Variants in LCOR observed in about 807,000 individuals in gnomAD.
LCOR encodes the protein ligand-dependent corepressor.
Under a neutral mutation model 64.4 loss-of-function variants are expected in LCOR, and 14 were observed. The observed-to-expected ratio is 0.22, with a 90% CI of 0.14 to 0.34. The LOEUF (loss-of-function observed/expected upper bound fraction) is 0.34. Among genes scored for constraint, LCOR ranks in the 10% least tolerant of loss-of-function variants. The probability of loss-of-function intolerance (pLI) is 1.00; values close to 1 mark genes in which losing one functional copy is unlikely to be tolerated. For synonymous variants in LCOR, 643 were observed against 642.5 expected (o/e 1.00, Z -0.01); for missense variants, 1,686 against 1,765.3 (o/e 0.96, Z 0.80).
chr10:96,920,421 TTC>T lies in LCOR; in HGVS notation c.-184+12675_-184+12676del, dbSNP rs1192157785. Among the ~76,000 whole-genome samples, 681 of 121,762 alleles carry T rather than the reference TTC, an allele frequency of 5.6e-3. 5 individuals carry two copies. The highest frequency in any genetic ancestry group is 6.8e-3 in the Non-Finnish European group (410 of 60,324). The allele number at this position is 121,762 out of a possible 152,430, so 79.9% of individuals were successfully genotyped here. On this transcript the variant is annotated intron_variant, in intron 4 of 7. Transcript: ENST00000421806. ...ATATATGTGTATATATGTATATATA[TTC>T]ATATATATGTGTATATATGTGTATA...
At chr10:96,932,441 TTTTTA>T (rs139659397) in intron 4 of LCOR, among the ~76,000 whole-genome samples, 8,155 of 151,754 alleles carry the variant, frequency 0.054, 733 homozygotes, top group African/African-American at 0.18. Flanking sequence ...CAAGGAACCT[TTTTTA>T]TTTTATTTTA....
At chr10:96,850,698 C>T (rs1281625877) in intron 2 of LCOR, among the ~76,000 whole-genome samples, 1 of 152,106 alleles carries the variant, frequency 6.6e-6, no homozygotes, top group Non-Finnish European at 1.5e-5. Context: ...AGTCCTCTCA[C>T]CTGTCTCCCA....
At chr10:96,965,827 A>T (rs956200081) in intron 7 of LCOR, among the ~76,000 whole-genome samples, 1 of 152,082 alleles carries the variant, frequency 6.6e-6, no homozygotes, top group South Asian at 2.1e-4. Context: ...AAGAAAGCTA[A>T]TTATTATTTT....
chr10:96,948,065 T>C (rs1243478562), intron 5 of LCOR, among the ~76,000 whole-genome samples: 1 of 152,216 alleles, frequency 6.6e-6, no homozygotes, highest in Non-Finnish European at 1.5e-5. Flanking sequence ...AGAGGCATGA[T>C]GATAATATAT....
At chr10:96,932,124 G>A (rs964731618) in intron 4 of LCOR, among the ~76,000 whole-genome samples, 4 of 152,028 alleles carry the variant, frequency 2.6e-5, no homozygotes, top group African/African-American at 7.2e-5. Flanking sequence ...TAAATAATGA[G>A]GGGGATTTTC....
intron 4 of LCOR, among the ~76,000 whole-genome samples, chr10:96,913,772 A>G (rs1224159236): frequency 6.6e-6 from 1 of 152,126 alleles, no homozygotes; most frequent in Non-Finnish European, 1.5e-5. Flanking sequence ...AAATACAAAA[A>G]TTTTAGCTGA....
intron 2 of LCOR, among the ~76,000 whole-genome samples, chr10:96,883,784 G>A (rs908744887): frequency 6.6e-6 from 1 of 152,088 alleles, no homozygotes; most frequent in African/African-American, 2.4e-5. Context: ...CCAGTCTGTG[G>A]TTTACCTTCT....
chr10:96,976,962 A>G (rs998888960), intron 7 of LCOR, among the ~76,000 whole-genome samples: 32 of 152,356 alleles, frequency 2.1e-4, no homozygotes, highest in Admixed American at 2.0e-3. Context: ...ATTAGATGCC[A>G]TAATATTTCT....
chr10:96,905,817 T>C (rs1286718362), intron 2 of LCOR, among the ~76,000 whole-genome samples: 3 of 152,170 alleles, frequency 2.0e-5, no homozygotes, highest in Admixed American at 6.6e-5. Flanking sequence ...ATAAAAAATC[T>C]GGAATCTAGG....
At chr10:96,977,418 T>C (rs1848047979) in intron 7 of LCOR, among the ~76,000 whole-genome samples, 1 of 152,208 alleles carries the variant, frequency 6.6e-6, no homozygotes, top group African/African-American at 2.4e-5. Context: ...ATTAATCTAA[T>C]TCAGTCTAGT....
rs1848100183 is a variant in LCOR, at chr10:96,982,479, C to T, written c.2019C>T (p.Ser673=). ...SVPQDCHLLP[S]TESFSGGVSE... ...CCCAGGACTGTCACCTCCTTCCCTCCACTGAAAGCTTTTCCGGGGGAGTCA... is the reference window on the plus strand; with the variant it reads ...CCCAGGACTGTCACCTCCTTCCCTCTACTGAAAGCTTTTCCGGGGGAGTCA... The change falls in exon 8 of 8, where the codon TCC becomes TCT. Residue 673 remains serine (S), a synonymous_variant. Coordinates refer to ENST00000421806, the MANE Select transcript of LCOR (RefSeq NM_001346516.2). 6.2e-7 allele frequency: 1 copy of T among 1,614,224 alleles called. No homozygotes were observed. Among genetic ancestry groups the T allele is most frequent in the Admixed American group, 1.7e-5 (1 of 60,026 alleles).
intron 2 of LCOR, among the ~76,000 whole-genome samples, chr10:96,845,160 C>T (rs12249891): frequency 0.14 from 21,437 of 151,998 alleles, 2,081 homozygotes; most frequent in African/African-American, 0.27. Flanking sequence ...AAGATGATAA[C>T]TCATACATCA....
At chr10:96,855,455 A>T (rs1341119937) in intron 2 of LCOR, among the ~76,000 whole-genome samples, 5 of 151,754 alleles carry the variant, frequency 3.3e-5, no homozygotes, top group African/African-American at 1.2e-4. Flanking sequence ...TGTTTTTGAG[A>T]TGGAGTTTCG....
intron 7 of LCOR, among the ~76,000 whole-genome samples, chr10:96,975,094 C>G (rs898679243): frequency 6.6e-6 from 1 of 152,198 alleles, no homozygotes; most frequent in Non-Finnish European, 1.5e-5. Flanking sequence ...TTGCTTGAAC[C>G]CGGGAGGTGG....
intron 7 of LCOR, among the ~76,000 whole-genome samples, chr10:96,976,337 T>A (rs1271612489): frequency 6.6e-6 from 1 of 152,242 alleles, no homozygotes; most frequent in Non-Finnish European, 1.5e-5. Flanking sequence ...GTCTCTCTGA[T>A]GCTACTGTTT....
In LCOR at chr10:96,957,517, G is replaced by A. The variant is rs981237753; in HGVS notation, c.332+5321G>A. 12 of 985,258 alleles carry A rather than the reference G, an allele frequency of 1.2e-5. No homozygotes were observed. In the African/African-American group the frequency reaches 2.1e-4, roughly 17 times the overall value. 61.0% of individuals were successfully genotyped at this position (985,258 alleles called of 1,614,324 possible). A position where few individuals can be genotyped will look rare whatever the true frequency, so the allele number is the denominator to read the frequency against. Reference sequence around the variant, plus strand: ...CATGTACTGTATATTCTAATCTGCTGAGAAAGGTGGTCAGGCCCTTCTAAA... The same window carrying A: ...CATGTACTGTATATTCTAATCTGCTAAGAAAGGTGGTCAGGCCCTTCTAAA... On this transcript the variant is annotated intron_variant, in intron 7 of 7. Transcript: ENST00000421806.
intron 2 of LCOR, among the ~76,000 whole-genome samples, chr10:96,837,804 C>G (rs780090867): frequency 2.6e-5 from 4 of 152,206 alleles, no homozygotes; most frequent in Non-Finnish European, 5.9e-5. Context: ...GCTTTCTTCC[C>G]TGGCTTGCAG....
chr10:96,864,213 G>A (rs750178480), intron 2 of LCOR, among the ~76,000 whole-genome samples: 1 of 152,148 alleles, frequency 6.6e-6, no homozygotes, highest in Non-Finnish European at 1.5e-5. Flanking sequence ...AGAAGAATGA[G>A]GATAGGAAAT....
intron 2 of LCOR, among the ~76,000 whole-genome samples, chr10:96,882,772 C>T (rs1846283674): frequency 6.6e-6 from 1 of 152,144 alleles, no homozygotes; most frequent in Admixed American, 6.5e-5. Flanking sequence ...ACTGGTCTTT[C>T]TACTGTCTCC....
Sources: gnomAD v4.1 joint callset for allele counts (sites outside exome capture counted in the v4.1 genomes callset) on GRCh38, gnomAD v4.1.1 for gene constraint, MANE v1.5 for transcripts, NCBI Gene and HGNC (gene_info 2026-07-23, HGNC 2026-07-21) for gene names.